The following FAM118B variants were observed in gnomAD, a reference collection of about 807,000 sequenced individuals.
FAM118B encodes the protein SIR2 antiphage like 1.
Under a neutral mutation model 38.5 loss-of-function variants are expected in FAM118B, and 24 were observed. The ratio of observed to expected loss-of-function variants is 0.62; its 90% CI spans 0.45 to 0.88. FAM118B has a LOEUF of 0.88. Ranked by LOEUF, FAM118B falls within the 40% of genes least tolerant of loss-of-function variation. The pLI is 0.00. For missense variants in FAM118B, 334 were observed against 420.0 expected, an observed-to-expected ratio of 0.80 and a Z score of 1.79; for synonymous variants, 138 against 156.3, an observed-to-expected ratio of 0.88 and a Z score of 0.87.
At chr11:126,226,961 A>C (rs914580571) in intron 1 of FAM118B, among the ~76,000 whole-genome samples, 7 of 152,044 alleles carry the variant, frequency 4.6e-5, no homozygotes, top group Admixed American at 1.3e-4. Flanking sequence ...AAAAAAAAAA[A>C]AAAACACCTA....
chr11:126,245,910 T>C (rs1950413217), intron 4 of FAM118B, among the ~76,000 whole-genome samples: 2 of 150,620 alleles, frequency 1.3e-5, no homozygotes, highest in South Asian at 4.2e-4. Flanking sequence ...GCAGGAGAAT[T>C]GCTTGAACCC....
chr11:126,244,584 A>T lies in FAM118B; in HGVS notation c.339+3540A>T, dbSNP rs570726094. 5.9e-5 allele frequency among the ~76,000 whole-genome samples: 9 copies of T among 152,184 alleles called. No homozygotes were observed. The East Asian group carries it at 1.7e-3, about 29-fold the overall frequency. On this transcript the variant is annotated intron_variant, in intron 4 of 8. Transcript: ENST00000533050. This position sits in a 1 kb window ranked among gnomAD's most constrained non-coding sequence, Gnocchi z 4.5. Reference sequence around the variant, plus strand: ...TTTGGGAGGCCGAGGTGGGCGGATCACCTGAGGTCGGGAGGTAGAGACCAG... The same window carrying T: ...TTTGGGAGGCCGAGGTGGGCGGATCTCCTGAGGTCGGGAGGTAGAGACCAG...
chr11:126,247,605 A>T (rs1428284089), intron 4 of FAM118B, among the ~76,000 whole-genome samples: 1 of 152,082 alleles, frequency 6.6e-6, no homozygotes, highest in Non-Finnish European at 1.5e-5. Context: ...CACGCCTGCA[A>T]TCCCAACACT....
At chr11:126,249,263 A>G (rs749401604) in intron 4 of FAM118B, among the ~76,000 whole-genome samples, 6 of 152,240 alleles carry the variant, frequency 3.9e-5, no homozygotes, top group Non-Finnish European at 8.8e-5. Flanking sequence ...TGATGTTTTC[A>G]ACAGTTGCAA....
chr11:126,235,871 C>CTCCTT (rs766561680), intron 3 of FAM118B, among the ~76,000 whole-genome samples: 2,280 of 152,264 alleles, frequency 0.015, 72 homozygotes, highest in African/African-American at 0.05. Flanking sequence ...AAGTAGTATT[C>CTCCTT]ATAGCTGAGC....
At chr11:126,221,986 G>C (rs913674963) in intron 1 of FAM118B, among the ~76,000 whole-genome samples, 9 of 152,150 alleles carry the variant, frequency 5.9e-5, no homozygotes, top group Admixed American at 3.9e-4. Flanking sequence ...GTAAAGGTTT[G>C]TTTATAGTTC....
intron 1 of FAM118B, among the ~76,000 whole-genome samples, 153 bp downstream of exon 1, chr11:126,211,983 C>T (rs1409820836): frequency 6.6e-5 from 10 of 152,194 alleles, no homozygotes; most frequent in African/African-American, 2.4e-4. Context: ...AAACTCCTCC[C>T]CGCCCCCGCG....
intron 1 of FAM118B, among the ~76,000 whole-genome samples, chr11:126,223,490 C>G (rs1034190878): frequency 1.3e-5 from 2 of 149,432 alleles, no homozygotes; most frequent in African/African-American, 2.5e-5. Context: ...CCCAGCTACT[C>G]GGGAGGCTGA....
At position 126,256,966 on chromosome 11, in the gene FAM118B, C is replaced by T; in HGVS notation, c.982+114C>T. ...CCAAGATGAGGAATGTAATGACTGA[C>T]CAAATTGTAAAGGAGGCCACAGTCT... is the stretch of plus-strand genomic sequence containing the variant. On this transcript the variant is annotated intron_variant, in intron 7 of 8. Coordinates refer to ENST00000533050, the MANE Select transcript of FAM118B (RefSeq NM_024556.4). This position sits in a 1 kb window ranked among gnomAD's most constrained non-coding sequence, Gnocchi z 6.6. The T allele has an allele frequency of 9.0e-7, 1 of 1,114,092 alleles. No individual in the cohort carries two copies. The highest frequency in any genetic ancestry group is 1.3e-6 in the Non-Finnish European group (1 of 778,496). The allele number at this position is 1,114,092 out of a possible 1,614,324, so 69.0% of individuals were successfully genotyped here. A position where few individuals can be genotyped will look rare whatever the true frequency, so the allele number is the denominator to read the frequency against.
chr11:126,256,504 T>G lies in FAM118B; in HGVS notation c.697-63T>G. On this transcript the variant is annotated intron_variant, in intron 6 of 8. Coordinates refer to ENST00000533050, the MANE Select transcript of FAM118B (RefSeq NM_024556.4). The surrounding 1 kb of genome is among the most constrained non-coding windows in gnomAD (Gnocchi z 6.6). ...GTCTGCTCAACGTAGCATGACCTTC[T>G]TGTTTCAGACTTGCCTTGAGTGTGT... is the stretch of plus-strand genomic sequence containing the variant. 6.6e-7 allele frequency: 1 copy of G among 1,516,842 alleles called. No homozygotes were observed. Among genetic ancestry groups the G allele is most frequent in the South Asian group, 1.2e-5 (1 of 82,900 alleles). 94.0% of individuals were successfully genotyped at this position (1,516,842 alleles called of 1,614,324 possible).
At chr11:126,234,929 A>G (rs1309944521) in intron 2 of FAM118B, 66 bp from the exon 3 acceptor site, 4 of 1,278,564 alleles carry the variant, frequency 3.1e-6, no homozygotes, top group Non-Finnish European at 3.4e-6. Context: ...TGTTTAATAT[A>G]TGTGCTATTT....
At chr11:126,243,248 A>G (rs998305910) in intron 4 of FAM118B, among the ~76,000 whole-genome samples, 4 of 152,216 alleles carry the variant, frequency 2.6e-5, no homozygotes, top group Non-Finnish European at 1.5e-5. Flanking sequence ...AGTACTTCCA[A>G]CTCATTGTAT....
At chr11:126,230,529 G>A (rs1423593910) in intron 2 of FAM118B, among the ~76,000 whole-genome samples, 1 of 152,190 alleles carries the variant, frequency 6.6e-6, no homozygotes, top group Non-Finnish European at 1.5e-5. Flanking sequence ...AAAGGGGGTG[G>A]AGGAAGCTTG....
At chr11:126,230,134 TC>T (rs1950189884) in intron 2 of FAM118B, among the ~76,000 whole-genome samples, 1 of 152,200 alleles carries the variant, frequency 6.6e-6, no homozygotes, top group African/African-American at 2.4e-5. Context: ...TAGACATGAT[TC>T]CTGTCTCCCT....
intron 3 of FAM118B, among the ~76,000 whole-genome samples, chr11:126,236,917 C>CTTTT (rs34983028): frequency 4.4e-5 from 3 of 68,412 alleles, no homozygotes; most frequent in African/African-American, 7.6e-5. Flanking sequence ...TTCACAGATG[C>CTTTT]TTTTTTTTTT....
intron 4 of FAM118B, among the ~76,000 whole-genome samples, chr11:126,245,996 C>CAAAA (rs537478587): frequency 2.4e-5 from 2 of 82,236 alleles, no homozygotes; most frequent in Admixed American, 1.4e-4. Context: ...GACTCCGTCC[C>CAAAA]AAAAAAAAAA....
chr11:126,249,878 G>T (rs1394265673), intron 4 of FAM118B, among the ~76,000 whole-genome samples: 1 of 151,950 alleles, frequency 6.6e-6, no homozygotes, highest in South Asian at 2.1e-4. Context: ...GGTAGTTGTC[G>T]CTCTGCTTTG....
chr11:126,253,112 G>C lies in FAM118B; in HGVS notation c.568-1193G>C, dbSNP rs1950527566. Among the ~76,000 whole-genome samples, 1 of 152,198 alleles carries C rather than the reference G, an allele frequency of 6.6e-6. No individual in the cohort carries two copies. ...TTGTGATAAAATTTCCAAAGATTATGACCAAGTGTGTTCATGGATATCAGA... is the reference window on the plus strand; with the variant it reads ...TTGTGATAAAATTTCCAAAGATTATCACCAAGTGTGTTCATGGATATCAGA... On this transcript the variant is annotated intron_variant, in intron 5 of 8. Transcript: ENST00000533050. This position sits in a 1 kb window ranked among gnomAD's most constrained non-coding sequence, Gnocchi z 5.1.
intron 1 of FAM118B, among the ~76,000 whole-genome samples, chr11:126,225,768 T>A (rs1950132069): frequency 6.6e-6 from 1 of 152,126 alleles, no homozygotes; most frequent in African/African-American, 2.4e-5. Flanking sequence ...TCATTTGAGG[T>A]CAGGAGTTCG....
Sources: allele counts gnomAD v4.1 joint callset (sites outside exome capture counted in the v4.1 genomes callset), GRCh38; gene constraint gnomAD v4.1.1; non-coding constraint Gnocchi (gnomAD v3.1); transcripts MANE v1.5; gene names NCBI Gene and HGNC (gene_info 2026-07-23, HGNC 2026-07-21).